The following MDGA2 variants were observed in gnomAD, a reference collection of about 807,000 sequenced individuals.
The protein encoded by MDGA2 is MAM domain-containing glycosylphosphatidylinositol anchor protein 2.
MDGA2 carries 40 observed loss-of-function variants against 117.8 expected under a neutral mutation model. The observed-to-expected ratio is 0.34, with a 90% confidence interval of 0.26 to 0.44. MDGA2 has a LOEUF of 0.44. Ranked by LOEUF, MDGA2 falls within the 20% of genes least tolerant of loss-of-function variation. MDGA2 has a pLI of 1.00. For missense variants in MDGA2, 1,123 were observed against 1,250.6 expected (o/e 0.90, Z 1.54); for synonymous variants, 452 against 439.0 (o/e 1.03, Z -0.37).
intron 1 of MDGA2, among the ~76,000 whole-genome samples, chr14:47,625,836 G>GA (rs1594950022): frequency 1.3e-5 from 2 of 152,098 alleles, no homozygotes; most frequent in South Asian, 2.1e-4. Context: ...TTAGTTTTCA[G>GA]AAAAAAGGAA....
chr14:47,018,102 T>G (rs1888147664), intron 8 of MDGA2, among the ~76,000 whole-genome samples: 1 of 152,026 alleles, frequency 6.6e-6, no homozygotes, highest in African/African-American at 2.4e-5. Flanking sequence ...AAATTGACCC[T>G]ATGTTGTGGA....
At chr14:47,425,808 A>C (rs1374428125) in intron 1 of MDGA2, among the ~76,000 whole-genome samples, 1 of 152,100 alleles carries the variant, frequency 6.6e-6, no homozygotes, top group African/African-American at 2.4e-5. Context: ...TATGCCCTCT[A>C]CCCAGCTTTC....
intron 3 of MDGA2, among the ~76,000 whole-genome samples, chr14:47,184,350 AAT>A (rs1480611078): frequency 3.3e-5 from 5 of 151,916 alleles, no homozygotes; most frequent in African/African-American, 1.2e-4. Flanking sequence ...ACCAGCTGCA[AAT>A]TAGAACTCTA....
At chr14:47,507,292 T>C (rs1894533170) in intron 1 of MDGA2, among the ~76,000 whole-genome samples, 1 of 152,104 alleles carries the variant, frequency 6.6e-6, no homozygotes, top group Admixed American at 6.5e-5. Flanking sequence ...AGGAAGAGGA[T>C]TTAGAAGACA....
chr14:47,649,435 A>G (rs952064748), intron 1 of MDGA2, among the ~76,000 whole-genome samples: 1 of 152,150 alleles, frequency 6.6e-6, no homozygotes, highest in African/African-American at 2.4e-5. Flanking sequence ...TGGTCATCCA[A>G]TTTTACACAT....
chr14:46,952,936 T>G (rs1195929884), intron 9 of MDGA2, among the ~76,000 whole-genome samples: 1 of 151,906 alleles, frequency 6.6e-6, no homozygotes, highest in African/African-American at 2.4e-5. Flanking sequence ...AGAATCAACC[T>G]TTCTCACTTA....
chr14:47,000,456 AAT>A (rs1373458498), intron 8 of MDGA2, among the ~76,000 whole-genome samples: 3 of 120,196 alleles, frequency 2.5e-5, no homozygotes, highest in East Asian at 2.7e-4. Flanking sequence ...TATATATATA[AAT>A]ATATATATGT....
intron 1 of MDGA2, among the ~76,000 whole-genome samples, chr14:47,423,672 A>G (rs956281001): frequency 6.6e-6 from 1 of 152,136 alleles, no homozygotes; most frequent in African/African-American, 2.4e-5. Flanking sequence ...GTAGCTTTTT[A>G]AGAATCATGT....
At chr14:47,361,888 C>T (rs571711493) in intron 1 of MDGA2, among the ~76,000 whole-genome samples, 2 of 152,112 alleles carry the variant, frequency 1.3e-5, no homozygotes, top group South Asian at 2.1e-4. Context: ...TTACCTAATT[C>T]GAAGCACTCT....
chr14:47,225,457 G>C (rs536872470), intron 2 of MDGA2, among the ~76,000 whole-genome samples: 1 of 151,942 alleles, frequency 6.6e-6, no homozygotes, highest in South Asian at 2.1e-4. Context: ...GTGGCACATA[G>C]ACACCACGGA....
chr14:47,299,770 T>G (rs1473738038), intron 2 of MDGA2, among the ~76,000 whole-genome samples: 1 of 152,136 alleles, frequency 6.6e-6, no homozygotes, highest in Non-Finnish European at 1.5e-5. Context: ...TCTTTTGGAA[T>G]CTTTTTTTTC....
chr14:47,114,955 C>CAAAAAAAAA (rs35950492), intron 5 of MDGA2, among the ~76,000 whole-genome samples: 1 of 127,314 alleles, frequency 7.9e-6, no homozygotes, highest in Non-Finnish European at 1.7e-5. Flanking sequence ...TCTGCACAGC[C>CAAAAAAAAA]AAAAAAAAAA....
At chr14:47,612,225 T>TAGAC (rs1555336305) in intron 1 of MDGA2, among the ~76,000 whole-genome samples, 3 of 151,610 alleles carry the variant, frequency 2.0e-5, no homozygotes, top group Admixed American at 6.6e-5. Context: ...GATAGATAGA[T>TAGAC]AGATAGATAG....
chr14:46,886,024 G>A (rs190117166), intron 10 of MDGA2, among the ~76,000 whole-genome samples: 108 of 152,156 alleles, frequency 7.1e-4, no homozygotes, highest in African/African-American at 2.3e-3. Flanking sequence ...CTAATGACTC[G>A]AAAAGACAGG....
At chr14:47,658,992 A>G (rs374813925) in intron 1 of MDGA2, among the ~76,000 whole-genome samples, 3 of 151,890 alleles carry the variant, frequency 2.0e-5, no homozygotes, top group Non-Finnish European at 4.4e-5. Flanking sequence ...TCCCAACATC[A>G]CTCTCTAATA....
At chr14:47,194,856 T>C (rs778263839) in intron 3 of MDGA2, among the ~76,000 whole-genome samples, 1 of 152,080 alleles carries the variant, frequency 6.6e-6, no homozygotes, top group Non-Finnish European at 1.5e-5. Context: ...ATAGGAAATC[T>C]GAGTTTAAAG....
intron 4 of MDGA2, among the ~76,000 whole-genome samples, chr14:47,137,229 C>T (rs1882499825): frequency 6.6e-6 from 1 of 152,116 alleles, no homozygotes; most frequent in South Asian, 2.1e-4. Context: ...AAGTGTGGCC[C>T]TATAAATACA....
At chr14:47,103,273 C>T (rs1445045235) in intron 5 of MDGA2, among the ~76,000 whole-genome samples, 1 of 152,156 alleles carries the variant, frequency 6.6e-6, no homozygotes, top group Non-Finnish European at 1.5e-5. Context: ...AGTCACTTCA[C>T]TGTGATGAAG....
intron 6 of MDGA2, among the ~76,000 whole-genome samples, chr14:47,079,034 A>G (rs993763819): frequency 3.5e-5 from 5 of 144,590 alleles, no homozygotes; most frequent in African/African-American, 1.3e-4. Flanking sequence ...AAGTGAGATG[A>G]AAAAAAAAAA....
Sources: allele counts gnomAD v4.1 joint callset (sites outside exome capture counted in the v4.1 genomes callset), GRCh38; gene constraint gnomAD v4.1.1; transcripts MANE v1.5; gene names NCBI Gene and HGNC (gene_info 2026-07-23, HGNC 2026-07-21).